The following ITSN1 variants were observed in gnomAD, a reference collection of about 807,000 sequenced individuals.
The protein encoded by ITSN1 is intersectin 1.
In ITSN1, 58 loss-of-function variants were observed where a neutral mutation model predicts 239.8. That is an observed-to-expected ratio of 0.24 (90% CI 0.20 to 0.30). The LOEUF (loss-of-function observed/expected upper bound fraction) is 0.30, where lower values mean the gene tolerates loss of function less well. Ranked by LOEUF, ITSN1 falls within the 10% of genes least tolerant of loss-of-function variation. The pLI is 1.00. For synonymous variants in ITSN1, 780 were observed against 770.8 expected, an observed-to-expected ratio of 1.01 and a Z score of -0.20; for missense variants, 1,558 against 2,103.3, an observed-to-expected ratio of 0.74 and a Z score of 5.07.
rs1986255790 is a variant in ITSN1 at position 33,890,061 on chromosome 21, T to G, written c.*1761T>G. 6.6e-6 allele frequency: 1 copy of G among 152,222 alleles called. No homozygotes were observed. Among genetic ancestry groups the G allele is most frequent in the Non-Finnish European group, 1.5e-5 (1 of 68,050 alleles). 9.4% of individuals were successfully genotyped at this position (152,222 alleles called of 1,614,324 possible). A position where few individuals can be genotyped will look rare whatever the true frequency, so the allele number is the denominator to read the frequency against. On this transcript the variant is annotated 3_prime_UTR_variant, in exon 40 of 40. Transcript: ENST00000381318. Reference sequence around the variant, plus strand: ...GAACATGTTAGAGACCAAGTTTAACTTCAGGCATGCATTTGTTTACCATTT... The same window carrying G: ...GAACATGTTAGAGACCAAGTTTAACGTCAGGCATGCATTTGTTTACCATTT...
chr21:33,747,269 A>G (rs192778977), intron 5 of ITSN1, among the ~76,000 whole-genome samples: 3 of 152,330 alleles, frequency 2.0e-5, no homozygotes, highest in Admixed American at 6.5e-5. Context: ...AGATTAATCA[A>G]TAGAAATTAT....
chr21:33,750,149 G>T lies in ITSN1; in HGVS notation c.353G>T (p.Gly118Val). The T allele has an allele frequency of 6.2e-7, 1 of 1,613,920 alleles. No individual in the cohort carries two copies. The highest frequency in any genetic ancestry group is 1.3e-5 in the African/African-American group (1 of 75,054). The change falls in exon 6 of 40, where the codon GGA becomes GTA. Residue 118 changes from glycine to valine, a missense_variant. Coordinates refer to ENST00000381318, the MANE Select transcript of ITSN1 (RefSeq NM_003024.3). Reference sequence around the variant, plus strand: ...AGCTGTTTTTTCTTCATAGGTATGGGAGGTATCGCCAGCATGCCACCGCTT... The same window carrying T: ...AGCTGTTTTTTCTTCATAGGTATGGTAGGTATCGCCAGCATGCCACCGCTT... ...AISSAPAFGM[G>V]GIASMPPLTA...
chr21:33,768,432 C>T (rs1485498340), intron 11 of ITSN1, among the ~76,000 whole-genome samples: 2 of 152,160 alleles, frequency 1.3e-5, no homozygotes, highest in South Asian at 2.1e-4. Flanking sequence ...CAGGCACATG[C>T]ACCACGCCCG....
At chr21:33,835,257 AGCTGTG>A (rs2074536641) in intron 28 of ITSN1, among the ~76,000 whole-genome samples, 1 of 152,056 alleles carries the variant, frequency 6.6e-6, no homozygotes, top group Non-Finnish European at 1.5e-5. Context: ...TCTTTGCTTG[AGCTGTG>A]GCCTTGTGTA....
At chr21:33,747,864 G>C (rs1486470859) in intron 5 of ITSN1, among the ~76,000 whole-genome samples, 1 of 152,134 alleles carries the variant, frequency 6.6e-6, no homozygotes, top group East Asian at 1.9e-4. Flanking sequence ...AATGACAAAA[G>C]GTGGTAACTT....
chr21:33,649,428 G>A (rs1479047379), intron 1 of ITSN1, among the ~76,000 whole-genome samples: 1 of 152,168 alleles, frequency 6.6e-6, no homozygotes, highest in East Asian at 1.9e-4. Flanking sequence ...CTATTTTAAT[G>A]CATCACTGCT....
intron 33 of ITSN1, among the ~76,000 whole-genome samples, chr21:33,873,793 A>T (rs1254190841): frequency 6.6e-6 from 1 of 152,174 alleles, no homozygotes; most frequent in Non-Finnish European, 1.5e-5. Context: ...GATTGCTTCA[A>T]CCTGGGAGGC....
intron 4 of ITSN1, among the ~76,000 whole-genome samples, chr21:33,726,796 A>G (rs924541387): frequency 2.3e-4 from 35 of 152,362 alleles, no homozygotes; most frequent in Admixed American, 2.0e-3. Flanking sequence ...TGCTGGGATT[A>G]TAGGCATTAG....
At chr21:33,860,822 C>G (rs1260481224) in intron 31 of ITSN1, among the ~76,000 whole-genome samples, 1 of 152,182 alleles carries the variant, frequency 6.6e-6, no homozygotes, top group Non-Finnish European at 1.5e-5. Context: ...GCTCCGGCCC[C>G]TTCTAACTAG....
At chr21:33,825,091 T>G (rs1403899238) in intron 25 of ITSN1, among the ~76,000 whole-genome samples, 1 of 152,216 alleles carries the variant, frequency 6.6e-6, no homozygotes, top group Non-Finnish European at 1.5e-5. Context: ...GACTTTACCT[T>G]TTGGATCAGT....
At chr21:33,763,971 T>C (rs2068546825) in intron 9 of ITSN1, among the ~76,000 whole-genome samples, 1 of 152,214 alleles carries the variant, frequency 6.6e-6, no homozygotes, top group Admixed American at 6.5e-5. Flanking sequence ...CCTTCTGTTT[T>C]GTATGAAAGA....
chr21:33,720,996 T>C (rs186078416), intron 2 of ITSN1, among the ~76,000 whole-genome samples, 182 bp from the exon 3 acceptor site: 1 of 152,364 alleles, frequency 6.6e-6, no homozygotes, highest in Admixed American at 6.5e-5. Context: ...TCTTACATTT[T>C]GTGTCCTGTT....
Position 33,811,241 on chromosome 21 carries a change from T to C in ITSN1, c.2567+19T>C, listed in dbSNP as rs1402215403. 5.2e-6 allele frequency: 8 copies of C among 1,540,008 alleles called. No homozygotes were observed. The highest frequency in any genetic ancestry group is 6.1e-6 in the Non-Finnish European group (7 of 1,146,226). On this transcript the variant is annotated intron_variant, in intron 21 of 39. Transcript: ENST00000381318. ...GCTCCACGTACGTGTTGGTGGGCTC[T>C]TTCTGATGATTTTTGAAATCCCAAT...
intron 1 of ITSN1, among the ~76,000 whole-genome samples, chr21:33,673,514 G>A (rs1249523168): frequency 6.6e-6 from 1 of 152,200 alleles, no homozygotes; most frequent in South Asian, 2.1e-4. Flanking sequence ...CAAAGAAGAG[G>A]TGCCGGTTTG....
chr21:33,714,322 G>C (rs1002785240), intron 1 of ITSN1, among the ~76,000 whole-genome samples: 1 of 152,110 alleles, frequency 6.6e-6, no homozygotes, highest in African/African-American at 2.4e-5. Flanking sequence ...AGTCCCTTTG[G>C]TTGTCACTTA....
intron 33 of ITSN1, among the ~76,000 whole-genome samples, chr21:33,874,178 A>AAAAAAAAAAAG (rs750088086): frequency 7.6e-6 from 1 of 130,814 alleles, no homozygotes; most frequent in Non-Finnish European, 1.6e-5. Context: ...AAAAAAAAAA[A>AAAAAAAAAAAG]GAACATTTAT....
chr21:33,885,816 TTAAG>T (rs1287497316), intron 38 of ITSN1, among the ~76,000 whole-genome samples: 22 of 152,126 alleles, frequency 1.4e-4, no homozygotes. Context: ...GCCCACTCAA[TTAAG>T]TATTTGTTTT....
intron 5 of ITSN1, among the ~76,000 whole-genome samples, chr21:33,739,295 CAGT>C (rs1338755558): frequency 6.6e-6 from 1 of 152,152 alleles, no homozygotes; most frequent in East Asian, 1.9e-4. Flanking sequence ...CTTCTTTCAC[CAGT>C]GTGCACTCAG....
intron 1 of ITSN1, among the ~76,000 whole-genome samples, chr21:33,682,292 C>T (rs368727403): frequency 1.1e-4 from 16 of 151,158 alleles, no homozygotes; most frequent in African/African-American, 3.2e-4. Flanking sequence ...CTCAGCTCAC[C>T]GCAACCTCTG....
Sources: allele counts gnomAD v4.1 joint callset (sites outside exome capture counted in the v4.1 genomes callset), GRCh38; gene constraint gnomAD v4.1.1; transcripts MANE v1.5; gene names NCBI Gene and HGNC (gene_info 2026-07-23, HGNC 2026-07-21).